Variants in NAB1 observed in about 807,000 individuals in gnomAD.
NAB1 encodes the protein NGFI-A binding protein 1.
Under a neutral mutation model 49.9 loss-of-function variants are expected in NAB1, and 25 were observed. The observed-to-expected ratio is 0.50, with a 90% confidence interval of 0.37 to 0.70. The LOEUF is 0.70. Ranked by LOEUF, NAB1 falls within the 30% of genes least tolerant of loss-of-function variation. The pLI is 0.00. For synonymous variants in NAB1, 198 were observed against 215.6 expected (o/e 0.92, Z 0.71); for missense variants, 489 against 575.9 (o/e 0.85, Z 1.54).
At chr2:190,673,781 T>G (rs1694938780) in intron 6 of NAB1, among the ~76,000 whole-genome samples, 1 of 152,216 alleles carries the variant, frequency 6.6e-6, no homozygotes, top group African/African-American at 2.4e-5. Context: ...GCTCTTTTGA[T>G]TTTAGATTTG....
In NAB1 at chr2:190,692,299, A is replaced by G. The variant is rs764723547; in HGVS notation, c.*1966A>G. ...CATAAGCCACAATTTTAAAAGATGC[A>G]GTAATCTTCCAACTTCCAATATTTA... On this transcript the variant is annotated 3_prime_UTR_variant, in exon 10 of 10. Transcript: ENST00000337386. This position sits in a 1 kb window ranked among gnomAD's most constrained non-coding sequence, Gnocchi z 5.2. The G allele has an allele frequency of 1.3e-5, 2 of 152,604 alleles. No individual in the cohort carries two copies. The highest frequency in any genetic ancestry group is 3.8e-4 in the East Asian group (2 of 5,200). 9.5% of individuals were successfully genotyped at this position (152,604 alleles called of 1,614,324 possible). A position where few individuals can be genotyped will look rare whatever the true frequency, so the allele number is the denominator to read the frequency against.
At chr2:190,690,130 C>G in intron 9 of NAB1, 115 bp from the exon 10 acceptor site, 1 of 746,402 alleles carries the variant, frequency 1.3e-6, no homozygotes, top group Non-Finnish European at 2.2e-6. Flanking sequence ...ATTACAGAAT[C>G]ATGAATAGTT....
At chr2:190,660,027 G>A in intron 4 of NAB1, 32 bp downstream of exon 4, 1 of 1,566,756 alleles carries the variant, frequency 6.4e-7, no homozygotes, top group African/African-American at 1.4e-5. Context: ...TTCTGTGTGT[G>A]TATGTGGCAT....
rs774510588 is a variant in NAB1, at chr2:190,673,235, A to C, written c.1005+83A>C. 6.3e-6 allele frequency: 8 copies of C among 1,277,704 alleles called. No individual in the cohort carries two copies. In the African/African-American group the frequency reaches 1.2e-4, roughly 19 times the overall value. 79.1% of individuals were successfully genotyped at this position (1,277,704 alleles called of 1,614,324 possible). A position where few individuals can be genotyped will look rare whatever the true frequency, so the allele number is the denominator to read the frequency against. On this transcript the variant is annotated intron_variant, in intron 6 of 9. Transcript: ENST00000337386. ...AAGCAAAATCTTAACTAGTTCAGAC[A>C]AAAAAGATGGTCCCATAAACTAGTG...
rs1442190836 is a variant in NAB1, at chr2:190,682,334, A to G, written c.1006-1404A>G. On this transcript the variant is annotated intron_variant, in intron 6 of 9. Transcript: ENST00000337386. The surrounding 1 kb of genome is among the most constrained non-coding windows in gnomAD (Gnocchi z 4.1). ...TCCTATCCTCAATTTTCCTGTGAGG[A>G]AACTGAAGTTCAGAAAGGTTAAGTT... is the stretch of plus-strand genomic sequence containing the variant. 6.6e-6 allele frequency among the ~76,000 whole-genome samples: 1 copy of G among 152,220 alleles called. No individual in the cohort carries two copies. The highest frequency in any genetic ancestry group is 6.5e-5 in the Admixed American group (1 of 15,284).
Position 190,654,507 on chromosome 2 carries a change from CA to C in NAB1, c.-196-1469del, listed in dbSNP as rs999998004. Among the ~76,000 whole-genome samples the C allele has an allele frequency of 2.8e-4, 43 of 152,040 alleles. No individual in the cohort carries two copies. The highest frequency in any genetic ancestry group is 6.8e-4 in the African/African-American group (28 of 41,384). ...TTGGAGGGAGAGAGGATGCCTGGCA[CA>C]GGGGCAGGGAAGTGGAAGGCATATT... On this transcript the variant is annotated intron_variant, in intron 2 of 9. Transcript: ENST00000337386. This position sits in a 1 kb window ranked among gnomAD's most constrained non-coding sequence, Gnocchi z 5.6.
In NAB1 at chr2:190,672,075, C is replaced by A. The variant is rs534697262; in HGVS notation, c.954-1026C>A. 1.7e-3 allele frequency among the ~76,000 whole-genome samples: 264 copies of A among 152,166 alleles called. 2 individuals are homozygous for A. Among genetic ancestry groups the A allele is most frequent in the African/African-American group, 6.1e-3 (255 of 41,536 alleles). The stretch of plus-strand genomic sequence containing the variant: ...AGGCGTGAGCCACTGTGCCTAGGCT[C>A]ACCTTTCCTTTAAAGTTAAATGTAC... On this transcript the variant is annotated intron_variant, in intron 5 of 9. Coordinates refer to ENST00000337386, the MANE Select transcript of NAB1 (RefSeq NM_005966.4).
chr2:190,655,423 A>T (rs768590864), intron 2 of NAB1, among the ~76,000 whole-genome samples: 8 of 152,224 alleles, frequency 5.3e-5, no homozygotes, highest in Non-Finnish European at 1.2e-4. Flanking sequence ...TTATGGACAC[A>T]CAATAGAAAA....
rs369004060 is a variant in NAB1 at position 190,685,221 on chromosome 2, T to G, written c.1096-255T>G. The stretch of plus-strand genomic sequence containing the variant: ...AAAACAAAGCTAAGGTTATGTTGCT[T>G]TTGAGCTGACATGGAATTCTCTTGA... On this transcript the variant is annotated intron_variant, in intron 7 of 9. Transcript: ENST00000337386. This position sits in a 1 kb window ranked among gnomAD's most constrained non-coding sequence, Gnocchi z 4.5. Among the ~76,000 whole-genome samples, 1 of 152,244 alleles carries G rather than the reference T, an allele frequency of 6.6e-6. No homozygotes were observed. Among genetic ancestry groups the G allele is most frequent in the African/African-American group, 2.4e-5 (1 of 41,460 alleles).
In NAB1 at chr2:190,667,770, A is replaced by T. The variant is rs1490085399; in HGVS notation, c.820-2556A>T. Reference sequence around the variant, plus strand: ...TACCATGTACCATAACACATTCTAGATGGTTTAAATACTTAGGTGGGAAAA... The same window carrying T: ...TACCATGTACCATAACACATTCTAGTTGGTTTAAATACTTAGGTGGGAAAA... On this transcript the variant is annotated intron_variant, in intron 4 of 9. Transcript: ENST00000337386. The surrounding 1 kb of genome is among the most constrained non-coding windows in gnomAD (Gnocchi z 4.4). 6.6e-6 allele frequency among the ~76,000 whole-genome samples: 1 copy of T among 152,152 alleles called. No individual in the cohort carries two copies. The highest frequency in any genetic ancestry group is 1.5e-5 in the Non-Finnish European group (1 of 68,006).
chr2:190,659,307 C>G lies in NAB1; in HGVS notation c.131C>G (p.Ala44Gly). Residue 44 changes from alanine to glycine, a missense_variant, in exon 4 of 10, where the codon GCA (alanine) becomes GGA (glycine). Around this residue, in one of 4 missense-constraint regions of NAB1, gnomAD observed 35 missense variants for 85.6 expected, o/e 0.41. Coordinates refer to ENST00000337386, the MANE Select transcript of NAB1 (RefSeq NM_005966.4). The surrounding 1 kb of genome is among the most constrained non-coding windows in gnomAD (Gnocchi z 6.2). ...GATGATGTCCAGCAACTCTGTGAAG[C>G]AGGAGAAGAGGAGTTTTTGGAAATC... is the stretch of plus-strand genomic sequence containing the variant. ...GGDDVQQLCE[A>G]GEEEFLEIMA... 6.2e-7 allele frequency: 1 copy of G among 1,614,090 alleles called. No individual in the cohort carries two copies.
At position 190,657,290 on chromosome 2, in the gene NAB1, T is replaced by C. The variant is rs1291304926; in HGVS notation, c.-20+1137T>C. 1.3e-5 allele frequency among the ~76,000 whole-genome samples: 2 copies of C among 152,190 alleles called. No homozygotes were observed. Among genetic ancestry groups the C allele is most frequent in the African/African-American group, 4.8e-5 (2 of 41,450 alleles). On this transcript the variant is annotated intron_variant, in intron 3 of 9. Transcript: ENST00000337386. This position sits in a 1 kb window ranked among gnomAD's most constrained non-coding sequence, Gnocchi z 4.4. ...CAGGCAGAGCCTCCTTTAGGTGATT[T>C]AGAAGATGCAAGAACGTTTTTATCC...
chr2:190,659,137 T>G lies in NAB1; in HGVS notation c.-19-21T>G, dbSNP rs1694087186. 1 of 284,018 alleles carries G rather than the reference T, an allele frequency of 3.5e-6. No individual in the cohort carries two copies. The highest frequency in any genetic ancestry group is 5.8e-6 in the Non-Finnish European group (1 of 173,856). The allele number at this position is 284,018 out of a possible 1,614,324, so 17.6% of individuals were successfully genotyped here. On this transcript the variant is annotated intron_variant, in intron 3 of 9. Coordinates refer to ENST00000337386, the MANE Select transcript of NAB1 (RefSeq NM_005966.4). This position sits in a 1 kb window ranked among gnomAD's most constrained non-coding sequence, Gnocchi z 6.2. ...TGAAGCAAGTATGATGAGTTTTTAC[T>G]TTTTTTTTTTTTTTTGGCAGGTTAA...
intron 4 of NAB1, among the ~76,000 whole-genome samples, chr2:190,661,777 T>A (rs1694240330): frequency 6.6e-6 from 1 of 152,230 alleles, no homozygotes; most frequent in African/African-American, 2.4e-5. Flanking sequence ...TTGTGGCTTG[T>A]GTTTTTGAAA....
chr2:190,679,412 ATTAC>A lies in NAB1; in HGVS notation c.1006-4322_1006-4319del, dbSNP rs1244440607. ...TGATTACTTTGGATAATTGTTATTT[ATTAC>A]TTATTTTAGGCTTTTATTTATCTTT... On this transcript the variant is annotated intron_variant, in intron 6 of 9. Transcript: ENST00000337386. The surrounding 1 kb of genome is among the most constrained non-coding windows in gnomAD (Gnocchi z 5.3). 6.6e-6 allele frequency among the ~76,000 whole-genome samples: 1 copy of A among 152,106 alleles called. No individual in the cohort carries two copies. The highest frequency in any genetic ancestry group is 2.1e-4 in the South Asian group (1 of 4,826).
intron 6 of NAB1, among the ~76,000 whole-genome samples, chr2:190,681,902 T>C (rs1695367481): frequency 6.6e-6 from 1 of 152,232 alleles, no homozygotes; most frequent in African/African-American, 2.4e-5. Context: ...GTAAGAACTT[T>C]GGTTTTTAAG....
rs1694738963 is a variant in NAB1 at position 190,670,331 on chromosome 2, T to G, written c.825T>G (p.Thr275=). The change falls in exon 5 of 10, where the codon ACT becomes ACG. Residue 275 remains threonine, a synonymous_variant. Transcript: ENST00000337386. This position sits in a 1 kb window ranked among gnomAD's most constrained non-coding sequence, Gnocchi z 5.3. ...DGKHLTLHEL[T]VNEAAAQLCV... is the part of the protein sequence containing the mutation. ...ACTCTGTTTTGGATATCCAGCTCAC[T>G]GTTAATGAAGCGGCTGCTCAACTCT... 3.7e-6 allele frequency: 6 copies of G among 1,608,564 alleles called. No homozygotes were observed. Among genetic ancestry groups the G allele is most frequent in the Non-Finnish European group, 5.1e-6 (6 of 1,178,478 alleles).
chr2:190,653,945 A>G (rs1693796032), intron 2 of NAB1, among the ~76,000 whole-genome samples: 1 of 152,174 alleles, frequency 6.6e-6, no homozygotes, highest in African/African-American at 2.4e-5. Flanking sequence ...AATGAAAAGG[A>G]TTGTAGGTAA....
intron 9 of NAB1, 57 bp from the exon 10 acceptor site, chr2:190,690,188 G>A: frequency 8.2e-7 from 1 of 1,219,042 alleles, no homozygotes; most frequent in Non-Finnish European, 1.2e-6. Context: ...AACTTTGTTT[G>A]ATTTTTGTAG....
Sources: allele counts gnomAD v4.1 joint callset (sites outside exome capture counted in the v4.1 genomes callset), GRCh38; gene constraint gnomAD v4.1.1; regional missense constraint gnomAD v4.1.1; non-coding constraint Gnocchi (gnomAD v3.1); transcripts MANE v1.5; gene names NCBI Gene and HGNC (gene_info 2026-07-23, HGNC 2026-07-21).